ESR1: variants seen among roughly 807,000 people sequenced by gnomAD.
ESR1 encodes the protein estrogen receptor 1.
A neutral mutation model predicts 52.7 loss-of-function variants in ESR1; 12 were observed. That is an observed-to-expected ratio of 0.23 (90% CI 0.15 to 0.37). The LOEUF is 0.37. Among genes scored for constraint, ESR1 ranks in the 10% least tolerant of loss-of-function variants. ESR1 has a pLI of 1.00. For missense variants in ESR1, 584 were observed against 779.7 expected (o/e 0.75, Z 2.99); for synonymous variants, 305 against 316.8 (o/e 0.96, Z 0.39).
chr6:152,046,204 A>G (rs1303377306), intron 5 of ESR1, among the ~76,000 whole-genome samples: 1 of 152,234 alleles, frequency 6.6e-6, no homozygotes, highest in Non-Finnish European at 1.5e-5. Context: ...CAGTGATTTA[A>G]TCCAGCCTCT....
Position 152,121,472 on chromosome 6 carries a change from T to C in ESR1, c.851-3794T>C, listed in dbSNP as rs143172989. On this transcript the variant is annotated intron_variant, in intron 6 of 6. Transcript: ENST00000427531. ...GGAAACAAGAATTCAGGAGATTTGA[T>C]TGACTATGGAAGGAAGAGAAAAAAA... 2.1e-3 allele frequency among the ~76,000 whole-genome samples: 319 copies of C among 152,256 alleles called. 5 individuals are homozygous for C. The highest frequency in any genetic ancestry group is 7.3e-3 in the African/African-American group (302 of 41,530).
At chr6:151,859,157 C>T (rs952768186) in intron 2 of ESR1, among the ~76,000 whole-genome samples, 1 of 152,040 alleles carries the variant, frequency 6.6e-6, no homozygotes, top group African/African-American at 2.4e-5. Flanking sequence ...GTCTTGTATG[C>T]AAGATAGCAT....
intron 3 of ESR1, among the ~76,000 whole-genome samples, chr6:151,935,567 C>G (rs923662285): frequency 2.6e-5 from 4 of 152,166 alleles, no homozygotes; most frequent in African/African-American, 9.7e-5. Flanking sequence ...GAGTCTGGAG[C>G]CACAGAAAAC....
intron 5 of ESR1, among the ~76,000 whole-genome samples, chr6:152,047,523 G>A (rs191197512): frequency 2.0e-5 from 3 of 152,212 alleles, no homozygotes; most frequent in Non-Finnish European, 2.9e-5. Context: ...GTTGCATTTT[G>A]TTTTGGTTTT....
chr6:151,659,021 G>A lies in ESR1; in HGVS notation n.73+2258G>A, dbSNP rs187695101. ...TATGCTAAGGCAAGTTTTTTTGCTC[G>A]TTTGTTTTTGAGATGGAGTTTCGAT... is the stretch of plus-strand genomic sequence containing the variant. On this transcript the variant is annotated intron_variant and non_coding_transcript_variant, in intron 1 of 2. Transcript: ENST00000473497. Among the ~76,000 whole-genome samples, 302 of 152,240 alleles carry A rather than the reference G, an allele frequency of 2.0e-3. 1 individual carries two copies. Among genetic ancestry groups the A allele is most frequent in the African/African-American group, 6.6e-3 (273 of 41,554 alleles).
At chr6:151,866,359 T>A (rs1397050222) in intron 2 of ESR1, among the ~76,000 whole-genome samples, 1 of 152,104 alleles carries the variant, frequency 6.6e-6, no homozygotes, top group Non-Finnish European at 1.5e-5. Context: ...TATTATACTT[T>A]ACGTTTGGGG....
At chr6:151,842,867 C>A in intron 2 of ESR1, 80 bp downstream of exon 2, 3 of 1,243,276 alleles carry the variant, frequency 2.4e-6, no homozygotes, top group Non-Finnish European at 3.5e-6. Flanking sequence ...GGAAGGAAGA[C>A]ATAGAATCAG....
Position 151,887,778 on chromosome 6 carries a change from C to G in ESR1, c.760+7007C>G, listed in dbSNP as rs1794087984. 5.9e-5 allele frequency among the ~76,000 whole-genome samples: 9 copies of G among 152,154 alleles called. 2 individuals are homozygous for G. The South Asian group carries it at 1.9e-3, about 32-fold the overall frequency. ...CAACAATCCCTATAAGGACCATGTT[C>G]TTAAGCTGGTTTTTTTTTTCCTAGT... On this transcript the variant is annotated intron_variant, in intron 3 of 7. Transcript: ENST00000206249.
intron 2 of ESR1, among the ~76,000 whole-genome samples, chr6:151,706,519 G>A (rs1020460604): frequency 6.6e-6 from 1 of 152,110 alleles, no homozygotes; most frequent in Non-Finnish European, 1.5e-5. Flanking sequence ...GAAGAAGCAG[G>A]CTCCACAGGG....
intron 2 of ESR1, among the ~76,000 whole-genome samples, chr6:151,754,662 C>T (rs751642010): frequency 6.6e-6 from 1 of 152,136 alleles, no homozygotes; most frequent in Non-Finnish European, 1.5e-5. Flanking sequence ...ATACTTTGCC[C>T]TCCTGGTTTT....
chr6:151,657,150 G>A (rs997650147), intron 1 of ESR1, among the ~76,000 whole-genome samples: 1 of 152,086 alleles, frequency 6.6e-6, no homozygotes, highest in Non-Finnish European at 1.5e-5. Context: ...TCATATAGGG[G>A]CATCATATGT....
intron 1 of ESR1, among the ~76,000 whole-genome samples, chr6:151,840,761 C>T (rs73780876): frequency 0.012 from 1,781 of 152,312 alleles, 30 homozygotes; most frequent in African/African-American, 0.039. Context: ...TTTAGCTCAT[C>T]TTAGGATTTT....
At chr6:151,701,135 A>G (rs894703592) in intron 1 of ESR1, among the ~76,000 whole-genome samples, 9 of 151,650 alleles carry the variant, frequency 5.9e-5, no homozygotes, top group African/African-American at 2.2e-4. Context: ...TCTTCGTGGT[A>G]AAATCATACC....
At position 152,098,282 on chromosome 6, in the gene ESR1, A is replaced by ATC. The variant is rs2050788131; in HGVS notation, c.1554-449_1554-448insCT. Among the ~76,000 whole-genome samples the ATC allele has an allele frequency of 6.6e-6, 1 of 152,122 alleles. No individual in the cohort carries two copies. Among genetic ancestry groups the ATC allele is most frequent in the African/African-American group, 2.4e-5 (1 of 41,414 alleles). ...GGGAAGTGACGTGAGAGATTTAACAATGGAGCGTCTTGAACTGCTTTACTC... is the reference window on the plus strand; with the variant it reads ...GGGAAGTGACGTGAGAGATTTAACAATCTGGAGCGTCTTGAACTGCTTTACTC... On this transcript the variant is annotated intron_variant, in intron 7 of 7. Transcript: ENST00000206249. The surrounding 1 kb of genome is among the most constrained non-coding windows in gnomAD (Gnocchi z 5.1).
chr6:152,046,107 C>G (rs2046209418), intron 5 of ESR1, among the ~76,000 whole-genome samples: 1 of 152,198 alleles, frequency 6.6e-6, no homozygotes, highest in Admixed American at 6.5e-5. Context: ...AGTTATAAAA[C>G]AGGACGTTGA....
chr6:152,013,336 A>T (rs2128787534), intron 5 of ESR1, among the ~76,000 whole-genome samples: 1 of 152,244 alleles, frequency 6.6e-6, no homozygotes. Context: ...ATCTTAGACC[A>T]CACGTAACAT....
At chr6:151,766,452 A>G (rs1283875484) in intron 2 of ESR1, among the ~76,000 whole-genome samples, 1 of 152,096 alleles carries the variant, frequency 6.6e-6, no homozygotes, top group Non-Finnish European at 1.5e-5. Context: ...CTGCACTCCA[A>G]CCTGGGTGAT....
intron 5 of ESR1, among the ~76,000 whole-genome samples, chr6:152,034,903 C>T (rs1216403528): frequency 6.6e-6 from 1 of 152,180 alleles, no homozygotes; most frequent in African/African-American, 2.4e-5. Flanking sequence ...GATTCTTCTT[C>T]TTTGCTGCAA....
chr6:151,994,318 A>G (rs1460662867), intron 4 of ESR1, among the ~76,000 whole-genome samples: 2 of 152,174 alleles, frequency 1.3e-5, no homozygotes, highest in Non-Finnish European at 2.9e-5. Flanking sequence ...TTTTATGCCC[A>G]CATGATATGG....
Sources: allele counts gnomAD v4.1 joint callset (sites outside exome capture counted in the v4.1 genomes callset), GRCh38; gene constraint gnomAD v4.1.1; non-coding constraint Gnocchi (gnomAD v3.1); transcripts MANE v1.5; gene names NCBI Gene and HGNC (gene_info 2026-07-23, HGNC 2026-07-21).